ADAM15: variants seen among roughly 807,000 people sequenced by gnomAD.
The protein encoded by ADAM15 is ADAM metallopeptidase domain 15, also known as disintegrin and metalloproteinase domain-containing protein 15.
Under a neutral mutation model 113.8 loss-of-function variants are expected in ADAM15, and 77 were observed. That is an observed-to-expected ratio of 0.68 (90% CI 0.56 to 0.82). The LOEUF is 0.82. Among genes scored for constraint, ADAM15 ranks in the 40% least tolerant of loss-of-function variants. The pLI is 0.00. For synonymous variants in ADAM15, 388 were observed against 454.1 expected, an observed-to-expected ratio of 0.85 and a Z score of 1.85; for missense variants, 963 against 1,120.1, an observed-to-expected ratio of 0.86 and a Z score of 2.00.
In ADAM15 at chr1:155,062,047, T is replaced by G. The variant is rs533768419; in HGVS notation, c.2424+72T>G. The G allele has an allele frequency of 3.2e-5, 47 of 1,480,266 alleles. No individual in the cohort carries two copies. In the Admixed American group the frequency reaches 9.1e-4, roughly 29 times the overall value. The allele number at this position is 1,480,266 out of a possible 1,614,324, so 91.7% of individuals were successfully genotyped here. ...GCTGTGGTGCTGGTAGCCATGACGG[T>G]GGTGGCCGTGGCGAGATGCCCCCTC... is the stretch of plus-strand genomic sequence containing the variant. On this transcript the variant is annotated intron_variant, in intron 21 of 22. Transcript: ENST00000356955. This position sits in a 1 kb window ranked among gnomAD's most constrained non-coding sequence, Gnocchi z 7.0.
chr1:155,054,523 G>T lies in ADAM15; in HGVS notation c.612+17G>T. 1 of 1,547,962 alleles carries T rather than the reference G, an allele frequency of 6.5e-7. No homozygotes were observed. The highest frequency in any genetic ancestry group is 8.7e-7 in the Non-Finnish European group (1 of 1,143,882). On this transcript the variant is annotated intron_variant, in intron 6 of 22. Transcript: ENST00000356955. ...ATTCGCCGGGTGAGGATGAATGGCA[G>T]GGGGGTGGGCTTTGGTTGTCTTGAG...
rs754878868 is a variant in ADAM15, at chr1:155,057,273, G to A, written c.1234G>A (p.Glu412Lys). 1.9e-5 allele frequency: 30 copies of A among 1,614,028 alleles called. 1 individual carries two copies. In the South Asian group the frequency reaches 1.9e-4, roughly 10 times the overall value. ...LLDGMGSCLFERLPSLPPMAA... is the reference protein window; with the variant it reads ...LLDGMGSCLFKRLPSLPPMAA... ...GGATGGAATGGGCAGCTGCCTCTTC[G>A]AACGGCTGCCTAGCCTACCCCCTAT... Residue 412 changes from glutamate to lysine, a missense_variant, in exon 12 of 23, where the codon GAA (glutamate) becomes AAA (lysine). Physicochemically the swap from Glu to Lys is moderately conservative, Grantham distance 56. Transcript: ENST00000356955. This position sits in a 1 kb window ranked among gnomAD's most constrained non-coding sequence, Gnocchi z 5.0.
chr1:155,060,752 C>T lies in ADAM15; in HGVS notation c.2208-11C>T. ...TGGGCCCTCTCCCTTCTTGCCTTTC[C>T]TCATGCATAGGGCAGCCCAATCTGG... On this transcript the variant is annotated splice_polypyrimidine_tract_variant and intron_variant, in intron 18 of 22. Coordinates refer to ENST00000356955, the MANE Select transcript of ADAM15 (RefSeq NM_207197.3). 6.2e-7 allele frequency: 1 copy of T among 1,613,686 alleles called. No homozygotes were observed. The highest frequency in any genetic ancestry group is 1.1e-5 in the South Asian group (1 of 91,082).
Position 155,062,633 on chromosome 1 carries a change from G to T in ADAM15, c.*131G>T. 1.6e-6 allele frequency: 2 copies of T among 1,281,342 alleles called. No individual in the cohort carries two copies. Among genetic ancestry groups the T allele is most frequent in the Non-Finnish European group, 1.1e-6 (1 of 927,132 alleles). 79.4% of individuals were successfully genotyped at this position (1,281,342 alleles called of 1,614,324 possible). On this transcript the variant is annotated 3_prime_UTR_variant, in exon 23 of 23. Transcript: ENST00000356955. The surrounding 1 kb of genome is among the most constrained non-coding windows in gnomAD (Gnocchi z 7.0). Reference sequence around the variant, plus strand: ...GTCTTAAGACTCCGGGCACCGCCACGCGCTGTCAAGCAACACTCTGCGGAC... The same window carrying T: ...GTCTTAAGACTCCGGGCACCGCCACTCGCTGTCAAGCAACACTCTGCGGAC...
intron 18 of ADAM15, 42 bp downstream of exon 18, chr1:155,060,385 G>A (rs760996631): frequency 1.2e-6 from 2 of 1,609,764 alleles, no homozygotes; most frequent in East Asian, 2.2e-5. Context: ...TTCAACTGGG[G>A]ACAGTGCTGA....
rs531894901 is a variant in ADAM15 at position 155,062,605 on chromosome 1, G to A, written c.*103G>A. 4 of 1,479,376 alleles carry A rather than the reference G, an allele frequency of 2.7e-6. No individual in the cohort carries two copies. The South Asian group carries it at 3.6e-5, about 13-fold the overall frequency. 91.6% of individuals were successfully genotyped at this position (1,479,376 alleles called of 1,614,324 possible). On this transcript the variant is annotated 3_prime_UTR_variant, in exon 23 of 23. Coordinates refer to ENST00000356955, the MANE Select transcript of ADAM15 (RefSeq NM_207197.3). The surrounding 1 kb of genome is among the most constrained non-coding windows in gnomAD (Gnocchi z 7.0). ...ATGACTGAAGGCGCCAGAGACTGGC[G>A]GTGTCTTAAGACTCCGGGCACCGCC...
At chr1:155,055,605 A>T (rs1661648334) in intron 6 of ADAM15, 185 bp from the exon 7 acceptor site, 1 of 630,028 alleles carries the variant, frequency 1.6e-6, no homozygotes, top group Non-Finnish European at 2.8e-6. Flanking sequence ...AACCTTCATT[A>T]TCTACTTCCT....
At position 155,057,774 on chromosome 1, in the gene ADAM15, C is replaced by T. The variant is rs1661992832; in HGVS notation, c.1416+45C>T. The T allele has an allele frequency of 6.2e-7, 1 of 1,613,844 alleles. No homozygotes were observed. On this transcript the variant is annotated intron_variant, in intron 13 of 22. Coordinates refer to ENST00000356955, the MANE Select transcript of ADAM15 (RefSeq NM_207197.3). This position sits in a 1 kb window ranked among gnomAD's most constrained non-coding sequence, Gnocchi z 5.0. ...GCCACCCGGAGCTCACCTGCCGGGG[C>T]CAAGGTGGAAAGGGTCATTCTGACC...
At position 155,058,017 on chromosome 1, in the gene ADAM15, C is replaced by A; in HGVS notation, c.1583C>A (p.Ala528Asp). ...VCMHGRCASY[A>D]QQCQSLWGPG... ...ATGCACGGGCGTTGTGCCTCCTATG[C>A]CCAGCAGTGCCAGTCACTTTGGGGA... The change falls in exon 14 of 23, where the codon GCC (alanine) becomes GAC (aspartate). Residue 528 changes from alanine (A) to aspartate (D), a missense_variant. By Grantham distance (126) the Ala-to-Asp change is moderately radical (BLOSUM62 -2). Transcript: ENST00000356955. This position sits in a 1 kb window ranked among gnomAD's most constrained non-coding sequence, Gnocchi z 4.3. 1 of 1,613,956 alleles carries A rather than the reference C, an allele frequency of 6.2e-7. No homozygotes were observed. The highest frequency in any genetic ancestry group is 8.5e-7 in the Non-Finnish European group (1 of 1,180,040).
chr1:155,057,018 C>T lies in ADAM15; in HGVS notation c.1065C>T (p.Gly355=). 1 of 1,607,594 alleles carries T rather than the reference C, an allele frequency of 6.2e-7. No homozygotes were observed. The part of the protein sequence containing the change: ...SIAHELGHSL[G]LDHDLPGNSC... ...CCCATGAGTTGGGCCACAGCCTGGG[C>T]CTGGACCATGATTTGCCTGGGAATA... Residue 355 remains glycine, a synonymous_variant, in exon 11 of 23, where the codon GGC becomes GGT. Transcript: ENST00000356955. The surrounding 1 kb of genome is among the most constrained non-coding windows in gnomAD (Gnocchi z 5.0).
intron 18 of ADAM15, 103 bp from the exon 19 acceptor site, chr1:155,060,660 A>G: frequency 3.1e-6 from 4 of 1,303,508 alleles, no homozygotes; most frequent in Non-Finnish European, 4.4e-6. Context: ...CCTAAACCAC[A>G]CATAAGTGCC....
chr1:155,056,855 A>T lies in ADAM15; in HGVS notation c.1000-98A>T. Reference sequence around the variant, plus strand: ...AAGCAGTGCCTGCTGAGTGCCCACGAGGTCAGACGTGGAGGGAACAGGAGC... The same window carrying T: ...AAGCAGTGCCTGCTGAGTGCCCACGTGGTCAGACGTGGAGGGAACAGGAGC... On this transcript the variant is annotated intron_variant, in intron 10 of 22. Coordinates refer to ENST00000356955, the MANE Select transcript of ADAM15 (RefSeq NM_207197.3). The surrounding 1 kb of genome is among the most constrained non-coding windows in gnomAD (Gnocchi z 4.0). The T allele has an allele frequency of 6.8e-7, 1 of 1,465,342 alleles. No homozygotes were observed. The highest frequency in any genetic ancestry group is 1.4e-5 in the South Asian group (1 of 71,786). 90.8% of individuals were successfully genotyped at this position (1,465,342 alleles called of 1,614,324 possible). A position where few individuals can be genotyped will look rare whatever the true frequency, so the allele number is the denominator to read the frequency against.
At position 155,061,417 on chromosome 1, in the gene ADAM15, G is replaced by T. The variant is rs750414099; in HGVS notation, c.2280G>T (p.Gln760His). The change falls in exon 20 of 23, where the codon CAG (glutamine) becomes CAT (histidine). Residue 760 changes from glutamine to histidine, a missense_variant and splice_region_variant. Physicochemically the swap from Gln to His is conservative, Grantham distance 24. Coordinates refer to ENST00000356955, the MANE Select transcript of ADAM15 (RefSeq NM_207197.3). ...ATCTGCCCCTCCTGCCCTCTCAGCA[G>T]GCTAGTGCTCTCAGCTTCCCGGCCC... ...QRALLARGTK[Q>H]ASALSFPAPP... is the part of the protein sequence containing the mutation. 2 of 1,613,444 alleles carry T rather than the reference G, an allele frequency of 1.2e-6. No individual in the cohort carries two copies. Among genetic ancestry groups the T allele is most frequent in the Non-Finnish European group, 1.7e-6 (2 of 1,179,732 alleles).
At chr1:155,054,078 T>C (rs1020312434) in intron 4 of ADAM15, 72 bp from the exon 5 acceptor site, 2 of 1,612,274 alleles carry the variant, frequency 1.2e-6, no homozygotes, top group African/African-American at 2.7e-5. Flanking sequence ...ATTTTTACCG[T>C]CAAGCTAGGC....
rs1661803083 is a variant in ADAM15 at position 155,056,649 on chromosome 1, C to T, written c.999+179C>T. On this transcript the variant is annotated intron_variant, in intron 10 of 22. Transcript: ENST00000356955. The surrounding 1 kb of genome is among the most constrained non-coding windows in gnomAD (Gnocchi z 4.0). The stretch of plus-strand genomic sequence containing the variant: ...GCCCTCGCTTATGGCCAGCTAGTCA[C>T]AGTGTACACAGTCATCCCCTGTGCA... Among the ~76,000 whole-genome samples the T allele has an allele frequency of 6.6e-6, 1 of 152,172 alleles. No homozygotes were observed. Among genetic ancestry groups the T allele is most frequent in the Non-Finnish European group, 1.5e-5 (1 of 68,036 alleles).
Position 155,056,018 on chromosome 1 carries a change from C to A in ADAM15, c.744+18C>A, listed in dbSNP as rs1558124199. ...TGGACACAGTGAGTGCTGGACAGGGCAACCCCCACCCCAGGCCCCTGACCA... is the reference window on the plus strand; with the variant it reads ...TGGACACAGTGAGTGCTGGACAGGGAAACCCCCACCCCAGGCCCCTGACCA... On this transcript the variant is annotated intron_variant, in intron 8 of 22. Transcript: ENST00000356955. This position sits in a 1 kb window ranked among gnomAD's most constrained non-coding sequence, Gnocchi z 4.0. 1 of 1,613,102 alleles carries A rather than the reference C, an allele frequency of 6.2e-7. No individual in the cohort carries two copies. Among genetic ancestry groups the A allele is most frequent in the Non-Finnish European group, 8.5e-7 (1 of 1,179,992 alleles).
chr1:155,060,720 C>A, intron 18 of ADAM15, 43 bp from the exon 19 acceptor site: 1 of 1,589,168 alleles, frequency 6.3e-7, no homozygotes, highest in South Asian at 1.1e-5. Context: ...AAAACAGGGT[C>A]TGAGGCTGGG....
rs1383632819 is a variant in ADAM15 at position 155,054,523 on chromosome 1, G to C, written c.612+17G>C. 6.5e-7 allele frequency: 1 copy of C among 1,547,844 alleles called. No homozygotes were observed. The highest frequency in any genetic ancestry group is 2.0e-5 in the Admixed American group (1 of 50,538). On this transcript the variant is annotated intron_variant, in intron 6 of 22. Coordinates refer to ENST00000356955, the MANE Select transcript of ADAM15 (RefSeq NM_207197.3). ...ATTCGCCGGGTGAGGATGAATGGCA[G>C]GGGGGTGGGCTTTGGTTGTCTTGAG...
At chr1:155,060,945 A>G (rs966516254) in intron 19 of ADAM15, 113 bp downstream of exon 19, 3 of 1,062,882 alleles carry the variant, frequency 2.8e-6, no homozygotes, top group Non-Finnish European at 4.1e-6. Flanking sequence ...GCACTGCCCA[A>G]GAGTCAGTCG....
Sources: gnomAD v4.1 joint callset for allele counts (sites outside exome capture counted in the v4.1 genomes callset) on GRCh38, gnomAD v4.1.1 for gene constraint, Gnocchi (gnomAD v3.1) non-coding constraint, MANE v1.5 for transcripts, NCBI Gene and HGNC (gene_info 2026-07-23, HGNC 2026-07-21) for gene names.